MON2: variants seen among roughly 807,000 people sequenced by gnomAD.
MON2 encodes the protein MON2 regulator of endosome-to-Golgi trafficking.
In MON2, 84 loss-of-function variants were observed where a neutral mutation model predicts 208.6. The ratio of observed to expected loss-of-function variants is 0.40; its 90% CI spans 0.34 to 0.48. MON2 has a LOEUF of 0.48. Among genes scored for constraint, MON2 ranks in the 20% least tolerant of loss-of-function variants. The pLI is 0.59. For missense variants in MON2, 1,611 were observed against 2,015.4 expected (o/e 0.80, Z 3.84); for synonymous variants, 660 against 694.0 (o/e 0.95, Z 0.77).
At chr12:62,552,041 A>G (rs2073769343) in intron 23 of MON2, among the ~76,000 whole-genome samples, 1 of 152,208 alleles carries the variant, frequency 6.6e-6, no homozygotes, top group Admixed American at 6.5e-5. Flanking sequence ...ACCTAAATAC[A>G]GTATAACTAG....
rs985417361 is a variant in MON2 at position 62,508,306 on chromosome 12, C to T, written c.810C>T (p.Leu270=). The change falls in exon 8 of 35, where the codon CTC becomes CTT. Residue 270 remains leucine, a synonymous_variant. Coordinates refer to ENST00000393630, the MANE Select transcript of MON2 (RefSeq NM_015026.3). ...VFLQHQEFSF[L]LKERVCPLVI... ...AATAGCACCAAGAATTTAGTTTCCT[C>T]CTCAAAGAAAGGGTATGTCCTCTTG... The T allele has an allele frequency of 1.9e-6, 3 of 1,612,200 alleles. No individual in the cohort carries two copies. Among genetic ancestry groups the T allele is most frequent in the Non-Finnish European group, 2.5e-6 (3 of 1,179,220 alleles).
In MON2 at chr12:62,598,800, A is replaced by T. The variant is rs1439859560; in HGVS notation, c.*6051A>T. 1.3e-5 allele frequency: 2 copies of T among 152,184 alleles called. No individual in the cohort carries two copies. Among genetic ancestry groups the T allele is most frequent in the Non-Finnish European group, 2.9e-5 (2 of 68,014 alleles). 9.4% of individuals were successfully genotyped at this position (152,184 alleles called of 1,614,324 possible). On this transcript the variant is annotated 3_prime_UTR_variant, in exon 35 of 35. Coordinates refer to ENST00000393630, the MANE Select transcript of MON2 (RefSeq NM_015026.3). The stretch of plus-strand genomic sequence containing the variant: ...ACCCAAATTTTCTTTGTAGTCTAGG[A>T]TAGATTTTTCATGAAAGCTATATAG...
intron 32 of MON2, 31 bp from the exon 33 acceptor site, chr12:62,585,263 T>A (rs1463872027): frequency 6.6e-7 from 1 of 1,518,838 alleles, no homozygotes; most frequent in Non-Finnish European, 9.1e-7. Flanking sequence ...ATTTAACTTC[T>A]ATTAACCATC....
intron 30 of MON2, among the ~76,000 whole-genome samples, chr12:62,572,987 T>A (rs1026218801): frequency 3.3e-5 from 5 of 152,158 alleles, no homozygotes; most frequent in African/African-American, 1.2e-4. Flanking sequence ...GTAAAAAAAA[T>A]TTCTAGGGTG....
chr12:62,571,663 CATT>C, intron 30 of MON2, 81 bp downstream of exon 30: 1 of 1,157,760 alleles, frequency 8.6e-7, no homozygotes, highest in Non-Finnish European at 1.2e-6. Context: ...TGTCTTTATT[CATT>C]AACAAAGTAA....
intron 2 of MON2, 148 bp from the exon 3 acceptor site, chr12:62,493,767 C>T (rs1198481357): frequency 5.8e-6 from 3 of 521,738 alleles, no homozygotes; most frequent in Non-Finnish European, 6.5e-6. Flanking sequence ...GGTATTTTAA[C>T]TCTTGGTACT....
rs2075597246 is a variant in MON2 at position 62,600,303 on chromosome 12, CCAGA to C, written c.*7557_*7560del. ...ATAGGGACCAATTTTTTGCCTTTCA[CCAGA>C]CAACCACTGAATGTTAAGAATCTAC... On this transcript the variant is annotated 3_prime_UTR_variant, in exon 35 of 35. Transcript: ENST00000393630. The C allele has an allele frequency of 6.6e-6, 1 of 152,160 alleles. No individual in the cohort carries two copies. Among genetic ancestry groups the C allele is most frequent in the African/African-American group, 2.4e-5 (1 of 41,430 alleles). 9.4% of individuals were successfully genotyped at this position (152,160 alleles called of 1,614,324 possible).
Position 62,526,093 on chromosome 12 carries a change from A to T in MON2, c.1391A>T (p.Lys464Ile). ...ILTITVQGSA[K>I]ATYLEMLDKV... ...ACAATCACAGTTCAAGGCAGTGCTAAAGCCACCTAGTAAGTAGTAGCAGCA... is the reference window on the plus strand; with the variant it reads ...ACAATCACAGTTCAAGGCAGTGCTATAGCCACCTAGTAAGTAGTAGCAGCA... Residue 464 changes from lysine to isoleucine, a missense_variant, in exon 11 of 35, where the codon AAA becomes ATA. Physicochemically the swap from Lys to Ile is moderately radical, Grantham distance 102. Coordinates refer to ENST00000393630, the MANE Select transcript of MON2 (RefSeq NM_015026.3). 6.2e-7 allele frequency: 1 copy of T among 1,613,514 alleles called. No individual in the cohort carries two copies. Among genetic ancestry groups the T allele is most frequent in the Non-Finnish European group, 8.5e-7 (1 of 1,179,540 alleles).
At chr12:62,523,017 CT>C (rs2072138949) in intron 8 of MON2, among the ~76,000 whole-genome samples, 1 of 152,074 alleles carries the variant, frequency 6.6e-6, no homozygotes, top group African/African-American at 2.4e-5. Context: ...TTCTGAGATC[CT>C]TTGTATTCTT....
intron 24 of MON2, among the ~76,000 whole-genome samples, chr12:62,554,561 C>T (rs776223107): frequency 2.3e-4 from 35 of 152,140 alleles, no homozygotes; most frequent in Non-Finnish European, 3.8e-4. Context: ...GCGGCCTGAT[C>T]GTAGCACACT....
chr12:62,485,565 C>T (rs1206519382), intron 2 of MON2, among the ~76,000 whole-genome samples: 1 of 149,970 alleles, frequency 6.7e-6, no homozygotes, highest in Non-Finnish European at 1.5e-5. Flanking sequence ...TCAAAACACC[C>T]AATAGTTTTA....
chr12:62,571,651 GT>G, intron 30 of MON2, 69 bp downstream of exon 30: 1 of 1,278,924 alleles, frequency 7.8e-7, no homozygotes, highest in South Asian at 1.5e-5. Flanking sequence ...TCTAAAAACA[GT>G]TGTCTTTATT....
intron 8 of MON2, among the ~76,000 whole-genome samples, chr12:62,510,089 A>C (rs1294818909): frequency 6.6e-6 from 1 of 152,150 alleles, no homozygotes; most frequent in Non-Finnish European, 1.5e-5. Context: ...CTTGAAACAT[A>C]CAACCTACTG....
At chr12:62,555,312 T>C (rs2073917560) in intron 24 of MON2, among the ~76,000 whole-genome samples, 1 of 152,012 alleles carries the variant, frequency 6.6e-6, no homozygotes, top group Non-Finnish European at 1.5e-5. Context: ...CCCAAGTAGC[T>C]GGGACTACAG....
At chr12:62,568,341 A>G (rs1565695475) in intron 29 of MON2, among the ~76,000 whole-genome samples, 1 of 152,084 alleles carries the variant, frequency 6.6e-6, no homozygotes, top group Non-Finnish European at 1.5e-5. Context: ...CAGTTTGTGT[A>G]TTTTTATTTT....
intron 14 of MON2, among the ~76,000 whole-genome samples, chr12:62,535,928 T>G (rs2072945744): frequency 6.6e-6 from 1 of 151,788 alleles, no homozygotes; most frequent in African/African-American, 2.4e-5. Flanking sequence ...CTGCAAAATC[T>G]AAAACTTGTT....
chr12:62,586,940 TTTAA>T (rs1290817006), intron 33 of MON2, among the ~76,000 whole-genome samples: 3 of 152,216 alleles, frequency 2.0e-5, no homozygotes, highest in African/African-American at 7.2e-5. Context: ...TGCAGTATCA[TTTAA>T]TTGTTTTGTA....
At chr12:62,536,904 G>A (rs190588420) in intron 14 of MON2, among the ~76,000 whole-genome samples, 26 of 151,980 alleles carry the variant, frequency 1.7e-4, no homozygotes, top group Admixed American at 3.3e-4. Context: ...GGCCAGGCTG[G>A]CCTTGAACTC....
At chr12:62,543,749 A>G (rs1278142363) in intron 20 of MON2, among the ~76,000 whole-genome samples, 6 of 152,150 alleles carry the variant, frequency 3.9e-5, no homozygotes, top group Non-Finnish European at 8.8e-5. Flanking sequence ...CTGGGATTAC[A>G]GGCGCATACC....
Sources: gnomAD v4.1 joint callset for allele counts (sites outside exome capture counted in the v4.1 genomes callset) on GRCh38, gnomAD v4.1.1 for gene constraint, MANE v1.5 for transcripts, NCBI Gene and HGNC (gene_info 2026-07-23, HGNC 2026-07-21) for gene names.